NFIB: variants seen among roughly 807,000 people sequenced by gnomAD.
NFIB encodes the protein nuclear factor I B, also known as nuclear factor 1 B-type.
In NFIB, 11 loss-of-function variants were observed where a neutral mutation model predicts 61.5. The ratio of observed to expected loss-of-function variants is 0.18; its 90% CI spans 0.11 to 0.30. The LOEUF (loss-of-function observed/expected upper bound fraction) is 0.30. Among genes scored for constraint, NFIB ranks in the 10% least tolerant of loss-of-function variants. NFIB has a pLI of 1.00. For missense variants in NFIB, 471 were observed against 608.9 expected (o/e 0.77, Z 2.38); for synonymous variants, 260 against 216.5 (o/e 1.20, Z -1.76).
chr9:14,427,937 G>GTTTTTTGTTTTTTTT, the NFIB span, among the ~76,000 whole-genome samples: 1 of 43,384 alleles, frequency 2.3e-5, no homozygotes, highest in African/African-American at 7.8e-5. Context: ...TAATTCAGTT[G>GTTTTTTGTTTTTTTT]TTTTTTTTTT....
intron 2 of NFIB, among the ~76,000 whole-genome samples, chr9:14,250,146 C>G (rs888788496): frequency 6.6e-6 from 1 of 152,162 alleles, no homozygotes; most frequent in Non-Finnish European, 1.5e-5. Flanking sequence ...ATTTTTAGCT[C>G]TAACAGGGAG....
At chr9:14,224,455 G>T (rs893388185) in intron 2 of NFIB, among the ~76,000 whole-genome samples, 6 of 152,226 alleles carry the variant, frequency 3.9e-5, no homozygotes, top group African/African-American at 7.2e-5. Context: ...CTTCCAGAAT[G>T]ATGTACATAC....
At chr9:14,152,844 C>G (rs1160219039) in intron 4 of NFIB, among the ~76,000 whole-genome samples, 1 of 146,458 alleles carries the variant, frequency 6.8e-6, no homozygotes. Flanking sequence ...TTGATCTCAT[C>G]GAAGGGGTTG....
At chr9:14,246,898 T>C (rs1362396252) in intron 2 of NFIB, among the ~76,000 whole-genome samples, 2 of 152,084 alleles carry the variant, frequency 1.3e-5, no homozygotes, top group Non-Finnish European at 2.9e-5. Flanking sequence ...TTAAATGAGG[T>C]CATAAAGTTG....
In NFIB at chr9:14,152,765, G is replaced by A. The variant is rs377065016; in HGVS notation, c.686-2500C>T. Reference sequence around the variant, plus strand: ...AATTTTGTTCCAGAAAGATTATTCCGCAGTGTCAAGACAGCAATAAAAACG... The same window carrying A: ...AATTTTGTTCCAGAAAGATTATTCCACAGTGTCAAGACAGCAATAAAAACG... On this transcript the variant is annotated intron_variant, in intron 4 of 10. Coordinates refer to ENST00000380953, the MANE Select transcript of NFIB (RefSeq NM_001190737.2). Among the ~76,000 whole-genome samples the A allele has an allele frequency of 4.0e-5, 6 of 151,526 alleles. No individual in the cohort carries two copies. The South Asian group carries it at 6.3e-4, about 16-fold the overall frequency.
chr9:14,345,876 A>C, intron 1 of NFIB, among the ~76,000 whole-genome samples: 1 of 152,070 alleles, frequency 6.6e-6, no homozygotes, highest in Non-Finnish European at 1.5e-5. Context: ...GGTTCCACGA[A>C]TGTCGCTGCA....
upstream of NFIB, among the ~76,000 whole-genome samples, chr9:14,315,212 G>A (rs79398553): frequency 0.14 from 21,671 of 151,472 alleles, 1,971 homozygotes; most frequent in South Asian, 0.21. Context: ...GATAGGGAGG[G>A]GGTGCGGGTT....
chr9:14,201,547 T>C (rs1159445262), intron 2 of NFIB, among the ~76,000 whole-genome samples: 2 of 152,224 alleles, frequency 1.3e-5, no homozygotes, highest in African/African-American at 2.4e-5. Flanking sequence ...CTGAACCTTA[T>C]TGCCCCATCT....
chr9:14,385,937 G>A (rs1386586890), intron 1 of NFIB, among the ~76,000 whole-genome samples: 1 of 151,802 alleles, frequency 6.6e-6, no homozygotes, highest in Non-Finnish European at 1.5e-5. Context: ...CATGTTCCAC[G>A]GCACCCAGCT....
chr9:14,467,174 T>C, the NFIB span, among the ~76,000 whole-genome samples: 21 of 152,150 alleles, frequency 1.4e-4, no homozygotes, highest in African/African-American at 5.1e-4. Context: ...CAAATAGAGT[T>C]CATCATTTGA....
At chr9:14,357,988 G>A (rs1371938885) in intron 1 of NFIB, 2 of 152,166 alleles carry the variant, frequency 1.3e-5, no homozygotes, top group Non-Finnish European at 2.9e-5. Context: ...AGCTTGGGGA[G>A]AGTTTGGGGA....
the NFIB span, among the ~76,000 whole-genome samples, chr9:14,503,466 T>C: frequency 1.3e-5 from 2 of 152,174 alleles, no homozygotes; most frequent in African/African-American, 4.8e-5. Context: ...TTGTTTTTTT[T>C]AAATTTTTTG....
At position 14,121,976 on chromosome 9, in the gene NFIB, A is replaced by G. The variant is rs181801087; in HGVS notation, c.1061-1352T>C. On this transcript the variant is annotated intron_variant, in intron 7 of 10. Coordinates refer to ENST00000380953, the MANE Select transcript of NFIB (RefSeq NM_001190737.2). ...AATAATCATAGAAATACAAATTAAA[A>G]CTACCAACAAATATATGTAGAAGTG... 5.0e-3 allele frequency among the ~76,000 whole-genome samples: 768 copies of G among 152,256 alleles called. 8 individuals carry two copies. Among genetic ancestry groups the G allele is most frequent in the South Asian group, 6.4e-3 (31 of 4,822 alleles).
chr9:14,204,544 C>A (rs368530551), intron 2 of NFIB: 2 of 1,360,390 alleles, frequency 1.5e-6, no homozygotes, highest in East Asian at 2.3e-5. Flanking sequence ...TTAAGCTGCC[C>A]CACAAGTACA....
chr9:14,481,429 T>C, the NFIB span, among the ~76,000 whole-genome samples: 2 of 151,144 alleles, frequency 1.3e-5, no homozygotes, highest in African/African-American at 4.9e-5. Context: ...AAAAAACCTC[T>C]TGCATTAAAA....
At chr9:14,195,528 C>T (rs191574995) in intron 2 of NFIB, among the ~76,000 whole-genome samples, 87 of 152,244 alleles carry the variant, frequency 5.7e-4, no homozygotes, top group Admixed American at 7.2e-4. Context: ...ACATATGAGA[C>T]GACTTTTATT....
At chr9:14,243,053 G>A (rs1415344227) in intron 2 of NFIB, among the ~76,000 whole-genome samples, 1 of 152,136 alleles carries the variant, frequency 6.6e-6, no homozygotes, top group Non-Finnish European at 1.5e-5. Flanking sequence ...TGTCGGTAAG[G>A]AAACAGCCCC....
chr9:14,461,433 ACT>A, the NFIB span, among the ~76,000 whole-genome samples: 73 of 152,238 alleles, frequency 4.8e-4, no homozygotes, highest in Admixed American at 1.4e-3. Flanking sequence ...CAGAATTGAT[ACT>A]CTCTGCCAAG....
intron 2 of NFIB, among the ~76,000 whole-genome samples, chr9:14,305,311 C>T (rs1203518627): frequency 6.6e-6 from 1 of 152,132 alleles, no homozygotes; most frequent in African/African-American, 2.4e-5. Context: ...ATCTTCCCTC[C>T]CTGCACTAAA....
Sources: allele counts gnomAD v4.1 joint callset (sites outside exome capture counted in the v4.1 genomes callset), GRCh38; gene constraint gnomAD v4.1.1; transcripts MANE v1.5; gene names NCBI Gene and HGNC (gene_info 2026-07-23, HGNC 2026-07-21).